PLG: variants seen among roughly 807,000 people sequenced by gnomAD.
PLG encodes the protein plasmin.
PLG carries 41 observed loss-of-function variants against 104.4 expected under a neutral mutation model. The observed-to-expected ratio is 0.39, with a 90% confidence interval of 0.31 to 0.51. PLG has a LOEUF of 0.51. PLG is among the 20% of genes least tolerant of loss of function. The pLI is 0.76. For synonymous variants in PLG, 337 were observed against 357.1 expected, an observed-to-expected ratio of 0.94 and a Z score of 0.63; for missense variants, 891 against 1,003.6, an observed-to-expected ratio of 0.89 and a Z score of 1.52.
intron 1 of PLG, 106 bp downstream of exon 1, chr6:160,702,459 T>C (rs1777435430): frequency 1.5e-6 from 2 of 1,349,382 alleles, no homozygotes; most frequent in African/African-American, 3.0e-5. Flanking sequence ...TTTTGATTCA[T>C]GAAACTTCCA....
At chr6:160,743,437 T>C (rs1778226959) in intron 17 of PLG, among the ~76,000 whole-genome samples, 1 of 152,176 alleles carries the variant, frequency 6.6e-6, no homozygotes, top group African/African-American at 2.4e-5. Context: ...AATGGGACTG[T>C]GTTCCTGATT....
intron 17 of PLG, among the ~76,000 whole-genome samples, chr6:160,742,041 T>C (rs1040805347): frequency 1.3e-5 from 2 of 152,222 alleles, no homozygotes; most frequent in Non-Finnish European, 2.9e-5. Context: ...ATGTACCACA[T>C]ATTCTTCATC....
intron 12 of PLG, among the ~76,000 whole-genome samples, chr6:160,733,673 C>T (rs75891060): frequency 1.3e-5 from 2 of 151,576 alleles, no homozygotes; most frequent in Admixed American, 1.3e-4. Flanking sequence ...AACCTCATCT[C>T]TACTGAAAAT....
intron 9 of PLG, among the ~76,000 whole-genome samples, chr6:160,721,444 A>G (rs959662428): frequency 6.6e-6 from 1 of 152,204 alleles, no homozygotes; most frequent in African/African-American, 2.4e-5. Flanking sequence ...TGTGATTGCT[A>G]GTTTTACCTT....
At chr6:160,742,144 T>C (rs531025124) in intron 17 of PLG, among the ~76,000 whole-genome samples, 1 of 152,226 alleles carries the variant, frequency 6.6e-6, no homozygotes, top group Admixed American at 6.5e-5. Flanking sequence ...GTCTTTAGGG[T>C]AGAATGATTT....
At chr6:160,710,597 G>A (rs1777622461) in intron 3 of PLG, among the ~76,000 whole-genome samples, 1 of 152,048 alleles carries the variant, frequency 6.6e-6, no homozygotes, top group Non-Finnish European at 1.5e-5. Flanking sequence ...ATATCACTGG[G>A]AGCCTGAAGA....
rs533218497 is a variant in PLG at position 160,740,972 on chromosome 6, G to A, written c.2019-339G>A. ...CCATGCACTGATCAATGCCCTATTCGATTAATGTAAAAGGACACACTCAGC... is the reference window on the plus strand; with the variant it reads ...CCATGCACTGATCAATGCCCTATTCAATTAATGTAAAAGGACACACTCAGC... On this transcript the variant is annotated intron_variant, in intron 16 of 18. Transcript: ENST00000308192. This position sits in a 1 kb window ranked among gnomAD's most constrained non-coding sequence, Gnocchi z 5.2. Among the ~76,000 whole-genome samples the A allele has an allele frequency of 2.0e-5, 3 of 152,248 alleles. No homozygotes were observed. In the South Asian group the frequency reaches 6.2e-4, roughly 32 times the overall value.
At position 160,716,666 on chromosome 6, in the gene PLG, G is replaced by T. The variant is rs1777737427; in HGVS notation, c.690G>T (p.Lys230Asn). 1 of 1,608,998 alleles carries T rather than the reference G, an allele frequency of 6.2e-7. No individual in the cohort carries two copies. The highest frequency in any genetic ancestry group is 1.1e-5 in the South Asian group (1 of 90,966). The change falls in exon 7 of 19, where the codon AAG becomes AAT. Residue 230 changes from lysine to asparagine, a missense_variant. Physicochemically the swap from Lys to Asn is moderately conservative, Grantham distance 94. Transcript: ENST00000308192. ...IPSKFPNKNL[K>N]KNYCRNPDRE... is the part of the protein sequence containing the mutation. ...TCAGATTTCCAAACAAGAACCTGAA[G>T]AAGAATTACTGTCGTAACCCCGATA...
chr6:160,728,152 C>A (rs1424708996), intron 10 of PLG, among the ~76,000 whole-genome samples: 1 of 151,956 alleles, frequency 6.6e-6, no homozygotes, highest in Admixed American at 6.6e-5. Context: ...TTTTTATACA[C>A]TGCCAATGAT....
At chr6:160,749,381 CCAT>C (rs1778356653) in intron 17 of PLG, among the ~76,000 whole-genome samples, 1 of 151,032 alleles carries the variant, frequency 6.6e-6, no homozygotes, top group South Asian at 2.1e-4. Flanking sequence ...CTCAACATCA[CCAT>C]CATCACTATC....
Position 160,753,102 on chromosome 6 carries a change from C to A in PLG, c.*41C>A, listed in dbSNP as rs756043581. On this transcript the variant is annotated 3_prime_UTR_variant, in exon 19 of 19. Coordinates refer to ENST00000308192, the MANE Select transcript of PLG (RefSeq NM_000301.5). This position sits in a 1 kb window ranked among gnomAD's most constrained non-coding sequence, Gnocchi z 5.4. ...AGTGACGCACTGACTCACCTAGAGG[C>A]TGGAACGTGGGTAGGGATTTAGCAT... is the stretch of plus-strand genomic sequence containing the variant. 7 of 1,300,012 alleles carry A rather than the reference C, an allele frequency of 5.4e-6. No individual in the cohort carries two copies. In the South Asian group the frequency reaches 8.7e-5, roughly 16 times the overall value. The allele number at this position is 1,300,012 out of a possible 1,614,324, so 80.5% of individuals were successfully genotyped here.
chr6:160,722,949 G>A (rs2051672942), intron 10 of PLG, among the ~76,000 whole-genome samples: 1 of 151,938 alleles, frequency 6.6e-6, no homozygotes, highest in South Asian at 2.1e-4. Flanking sequence ...AATGAAGGTT[G>A]AATTTGCTAT....
intron 17 of PLG, among the ~76,000 whole-genome samples, chr6:160,743,953 A>T (rs1778236711): frequency 6.6e-6 from 1 of 152,220 alleles, no homozygotes; most frequent in South Asian, 2.1e-4. Flanking sequence ...TTATGTGATG[A>T]ATCACATTTA....
chr6:160,736,856 A>G lies in PLG; in HGVS notation c.1682-31A>G, dbSNP rs1778089660. 1.2e-6 allele frequency: 2 copies of G among 1,612,714 alleles called. No individual in the cohort carries two copies. Among genetic ancestry groups the G allele is most frequent in the Admixed American group, 1.7e-5 (1 of 59,954 alleles). ...ACCACAAAATTGCTACCTTGTCTCA[A>G]ATGGGATTTCTTTCCCACCTTGTGC... On this transcript the variant is annotated intron_variant, in intron 13 of 18. Coordinates refer to ENST00000308192, the MANE Select transcript of PLG (RefSeq NM_000301.5). The surrounding 1 kb of genome is among the most constrained non-coding windows in gnomAD (Gnocchi z 5.2).
intron 10 of PLG, among the ~76,000 whole-genome samples, chr6:160,729,706 A>G (rs915040354): frequency 1.1e-4 from 17 of 152,202 alleles, no homozygotes; most frequent in African/African-American, 3.1e-4. Flanking sequence ...GGAAACCAAT[A>G]GTATTTCCCT....
intron 10 of PLG, among the ~76,000 whole-genome samples, chr6:160,729,345 G>A (rs1187017696): frequency 6.6e-6 from 1 of 152,144 alleles, no homozygotes; most frequent in Non-Finnish European, 1.5e-5. Context: ...AAATAACTAT[G>A]AGTCTACCCC....
chr6:160,711,905 A>T (rs1181486369), intron 4 of PLG: 8 of 1,352,424 alleles, frequency 5.9e-6, no homozygotes, highest in Non-Finnish European at 7.6e-6. Context: ...CAACTTGCCT[A>T]TTATTTATTT....
chr6:160,746,404 C>T (rs1778278686), intron 17 of PLG, among the ~76,000 whole-genome samples: 1 of 152,158 alleles, frequency 6.6e-6, no homozygotes, highest in Non-Finnish European at 1.5e-5. Context: ...CTTTCCTCAG[C>T]TTGGTTTATT....
At chr6:160,748,366 A>AAGAAAGAAAGAGAGAGAGAGAG (rs1404070341) in intron 17 of PLG, among the ~76,000 whole-genome samples, 27 of 38,136 alleles carry the variant, frequency 7.1e-4, no homozygotes, top group Admixed American at 3.5e-3. Context: ...GAAAGAAAGA[A>AAGAAAGAAAGAGAGAGAGAGAG]AGAAAGAAAG....
Sources: gnomAD v4.1 joint callset for allele counts (sites outside exome capture counted in the v4.1 genomes callset) on GRCh38, gnomAD v4.1.1 for gene constraint, Gnocchi (gnomAD v3.1) non-coding constraint, MANE v1.5 for transcripts, NCBI Gene and HGNC (gene_info 2026-07-23, HGNC 2026-07-21) for gene names.